PPP1R13B: variants seen among roughly 807,000 people sequenced by gnomAD.
PPP1R13B encodes the protein protein phosphatase 1 regulatory subunit 13B.
In PPP1R13B, 44 loss-of-function variants were observed where a neutral mutation model predicts 119.8. The ratio of observed to expected loss-of-function variants is 0.37; its 90% CI spans 0.29 to 0.47. PPP1R13B has a LOEUF of 0.47. Ranked by LOEUF, PPP1R13B falls within the 20% of genes least tolerant of loss-of-function variation. The probability of loss-of-function intolerance (pLI) is 0.99; values close to 1 mark genes in which losing one functional copy is unlikely to be tolerated. For synonymous variants in PPP1R13B, 542 were observed against 561.5 expected (o/e 0.97, Z 0.49); for missense variants, 1,227 against 1,413.5 (o/e 0.87, Z 2.12).
At position 103,763,068 on chromosome 14, in the gene PPP1R13B, T is replaced by C. The variant is rs141374504; in HGVS notation, c.355-5317A>G. ...AAACTACCATCCTTAAAAGATTCGTTGTCACCAGCACTTTGTGAAGGTTCC... is the reference window on the plus strand; with the variant it reads ...AAACTACCATCCTTAAAAGATTCGTCGTCACCAGCACTTTGTGAAGGTTCC... On this transcript the variant is annotated intron_variant, in intron 4 of 16. Coordinates refer to ENST00000202556, the MANE Select transcript of PPP1R13B (RefSeq NM_015316.3). The C allele has an allele frequency of 2.9e-3, 3,611 of 1,242,080 alleles. 82 individuals are homozygous for C. In the African/African-American group the frequency reaches 0.046, roughly 16 times the overall value. The allele number at this position is 1,242,080 out of a possible 1,614,324, so 76.9% of individuals were successfully genotyped here.
At chr14:103,765,667 C>G (rs1487877276) in intron 4 of PPP1R13B, among the ~76,000 whole-genome samples, 6 of 152,194 alleles carry the variant, frequency 3.9e-5, no homozygotes, top group Admixed American at 6.5e-5. Flanking sequence ...GCTCTTCCCG[C>G]TGCCCACAGT....
At chr14:103,833,568 G>GGGAGGC (rs1431914202) in intron 1 of PPP1R13B, among the ~76,000 whole-genome samples, 3 of 152,042 alleles carry the variant, frequency 2.0e-5, no homozygotes, top group African/African-American at 7.2e-5. Flanking sequence ...ACTTGAACCT[G>GGGAGGC]GGAGGCGGAG....
At chr14:103,837,689 T>C (rs1008077538) in intron 1 of PPP1R13B, among the ~76,000 whole-genome samples, 2 of 152,188 alleles carry the variant, frequency 1.3e-5, no homozygotes, top group African/African-American at 4.8e-5. Context: ...CTACAACAAT[T>C]TGTTTCCTAA....
chr14:103,768,988 AATC>A (rs989245212), intron 4 of PPP1R13B, among the ~76,000 whole-genome samples: 10 of 152,370 alleles, frequency 6.6e-5, no homozygotes, highest in African/African-American at 2.4e-4. Context: ...CTTGTAATTT[AATC>A]ATCACAAGAT....
chr14:103,769,196 CTGCT>C (rs1037810413), intron 4 of PPP1R13B, among the ~76,000 whole-genome samples: 19 of 152,152 alleles, frequency 1.2e-4, no homozygotes, highest in Non-Finnish European at 2.6e-4. Flanking sequence ...AGCAATTCTC[CTGCT>C]TAAGCCTCCC....
chr14:103,825,959 C>T (rs2086529813), intron 1 of PPP1R13B, among the ~76,000 whole-genome samples: 1 of 152,034 alleles, frequency 6.6e-6, no homozygotes, highest in East Asian at 1.9e-4. Flanking sequence ...ATTCTCATGC[C>T]TCAGCCTCCA....
intron 2 of PPP1R13B, among the ~76,000 whole-genome samples, chr14:103,787,517 TA>T (rs1320546546): frequency 1.8e-3 from 242 of 137,516 alleles, no homozygotes; most frequent in East Asian, 6.6e-3. Flanking sequence ...AGCTGGCATA[TA>T]AAAAAAAAAA....
intron 4 of PPP1R13B, among the ~76,000 whole-genome samples, chr14:103,769,661 C>A (rs573048739): frequency 1.3e-5 from 2 of 152,164 alleles, no homozygotes; most frequent in African/African-American, 4.8e-5. Context: ...CTTATGCTCA[C>A]GTAATATTCA....
intron 9 of PPP1R13B, among the ~76,000 whole-genome samples, chr14:103,743,380 A>C (rs981010566): frequency 2.0e-4 from 30 of 152,352 alleles, no homozygotes; most frequent in Middle Eastern, 3.4e-3. Flanking sequence ...GGAGCAGGCT[A>C]TCATTCTGTT....
chr14:103,822,005 C>T (rs568628481), intron 1 of PPP1R13B, among the ~76,000 whole-genome samples: 1 of 152,224 alleles, frequency 6.6e-6, no homozygotes, highest in South Asian at 2.1e-4. Context: ...GGACAGAGTG[C>T]TAGGACAACA....
rs141685418 is a variant in PPP1R13B at position 103,753,957 on chromosome 14, C to T, written c.631+113G>A. 2.2e-5 allele frequency: 28 copies of T among 1,293,168 alleles called. No individual in the cohort carries two copies. The East Asian group carries it at 4.8e-4, about 22-fold the overall frequency. The allele number at this position is 1,293,168 out of a possible 1,614,324, so 80.1% of individuals were successfully genotyped here. On this transcript the variant is annotated intron_variant, in intron 6 of 16. Coordinates refer to ENST00000202556, the MANE Select transcript of PPP1R13B (RefSeq NM_015316.3). ...CAAATAACAGAGCAAAACTTGAGCA[C>T]GCTTGCTATTTAGTCCTGTGAATTT...
At chr14:103,825,307 T>C (rs976341938) in intron 1 of PPP1R13B, among the ~76,000 whole-genome samples, 1 of 152,178 alleles carries the variant, frequency 6.6e-6, no homozygotes, top group African/African-American at 2.4e-5. Context: ...TACAGTGGCC[T>C]CTAAGTGCTC....
chr14:103,784,733 A>C, intron 3 of PPP1R13B, 62 bp downstream of exon 3: 1 of 1,496,358 alleles, frequency 6.7e-7, no homozygotes, highest in Non-Finnish European at 9.1e-7. Context: ...ATTTATTCCT[A>C]TTTTTCTTAA....
chr14:103,779,242 T>C (rs867604953), intron 3 of PPP1R13B, among the ~76,000 whole-genome samples: 2 of 151,872 alleles, frequency 1.3e-5, no homozygotes, highest in African/African-American at 4.8e-5. Flanking sequence ...TAAGTCAGGA[T>C]TGGGCTACTG....
intron 2 of PPP1R13B, among the ~76,000 whole-genome samples, chr14:103,793,205 AGG>A: frequency 7.0e-6 from 1 of 142,772 alleles, no homozygotes; most frequent in African/African-American, 3.0e-5. Flanking sequence ...AAGTGAGGAA[AGG>A]AAAGAAAAGG....
At chr14:103,824,956 A>T (rs74316723) in intron 1 of PPP1R13B, among the ~76,000 whole-genome samples, 8 of 48,414 alleles carry the variant, frequency 1.7e-4, no homozygotes, top group African/African-American at 6.8e-4. Flanking sequence ...CATTTTTTTT[A>T]ACAAATTGAC....
rs1261214692 is a variant in PPP1R13B at position 103,738,615 on chromosome 14, C to T, written c.2864+64G>A. 1.3e-6 allele frequency: 2 copies of T among 1,598,794 alleles called. No homozygotes were observed. The highest frequency in any genetic ancestry group is 1.7e-6 in the Non-Finnish European group (2 of 1,169,266). On this transcript the variant is annotated intron_variant, in intron 14 of 16. Transcript: ENST00000202556. The surrounding 1 kb of genome is among the most constrained non-coding windows in gnomAD (Gnocchi z 5.6). ...GTGCTTCCTAATTGTCTAGAACACG[C>T]CTGTTTTCCTTATGCAAAGCAGGGA...
At chr14:103,772,680 T>C (rs1202084430) in intron 4 of PPP1R13B, among the ~76,000 whole-genome samples, 1 of 151,338 alleles carries the variant, frequency 6.6e-6, no homozygotes, top group African/African-American at 2.4e-5. Flanking sequence ...TTTTTCTTTT[T>C]TTTTTTTTTT....
chr14:103,756,077 A>T (rs1016736464), intron 5 of PPP1R13B, among the ~76,000 whole-genome samples: 8 of 151,944 alleles, frequency 5.3e-5, no homozygotes, highest in African/African-American at 1.9e-4. Flanking sequence ...CTTTAAAGCC[A>T]GTTTGGAATT....
Sources: gnomAD v4.1 joint callset for allele counts (sites outside exome capture counted in the v4.1 genomes callset) on GRCh38, gnomAD v4.1.1 for gene constraint, Gnocchi (gnomAD v3.1) non-coding constraint, MANE v1.5 for transcripts, NCBI Gene and HGNC (gene_info 2026-07-23, HGNC 2026-07-21) for gene names.